DPF3: variants seen among roughly 807,000 people sequenced by gnomAD.
DPF3 encodes zinc finger protein DPF3.
DPF3 carries 18 observed loss-of-function variants against 56.8 expected under a neutral mutation model. The observed-to-expected ratio is 0.32, with a 90% CI of 0.22 to 0.47. The LOEUF is 0.47. Among genes scored for constraint, DPF3 ranks in the 20% least tolerant of loss-of-function variants. The pLI, the probability that DPF3 is intolerant of heterozygous loss-of-function variation, is 1.00. For synonymous variants in DPF3, 188 were observed against 180.2 expected (o/e 1.04, Z -0.35); for missense variants, 403 against 488.8 (o/e 0.82, Z 1.65).
intron 4 of DPF3, 32 bp downstream of exon 4, chr14:72,731,775 C>T (rs1247386283): frequency 6.2e-7 from 1 of 1,612,334 alleles, no homozygotes; most frequent in Non-Finnish European, 8.5e-7. Context: ...GACAGGAACA[C>T]TCTGTGGGGT....
chr14:72,682,192 C>T lies in DPF3; in HGVS notation c.743-7824G>A, dbSNP rs1315525069. ...TTGTGCCACTGCACTCCAGGCTGGG[C>T]AACAAGAGTAAGACTCTGTCTCAAG... is the stretch of plus-strand genomic sequence containing the variant. On this transcript the variant is annotated intron_variant, in intron 7 of 10. Transcript: ENST00000556509. Among the ~76,000 whole-genome samples the T allele has an allele frequency of 2.3e-5, 3 of 131,706 alleles. No individual in the cohort carries two copies. In the East Asian group the frequency reaches 6.6e-4, roughly 29 times the overall value. 86.4% of individuals were successfully genotyped at this position (131,706 alleles called of 152,430 possible).
intron 6 of DPF3, among the ~76,000 whole-genome samples, chr14:72,706,188 C>T (rs904738637): frequency 7.2e-5 from 11 of 152,148 alleles, no homozygotes; most frequent in Non-Finnish European, 1.6e-4. Flanking sequence ...ATCATTATTA[C>T]CTCTTCCCCC....
intron 8 of DPF3, among the ~76,000 whole-genome samples, chr14:72,669,434 T>G (rs1034881783): frequency 2.0e-5 from 3 of 152,166 alleles, no homozygotes; most frequent in Non-Finnish European, 1.5e-5. Context: ...AACAGCCAAG[T>G]TGAGTTTTGT....
At chr14:72,776,682 T>C (rs1269112627) in intron 1 of DPF3, among the ~76,000 whole-genome samples, 5 of 152,110 alleles carry the variant, frequency 3.3e-5, no homozygotes, top group Admixed American at 2.0e-4. Context: ...TTGCTCCGAT[T>C]TCTCAGATCA....
At chr14:72,735,935 T>C (rs918294361) in intron 3 of DPF3, among the ~76,000 whole-genome samples, 2 of 152,228 alleles carry the variant, frequency 1.3e-5, no homozygotes, top group South Asian at 2.1e-4. Context: ...TTTTGTTTTA[T>C]TCTATTCAAA....
At chr14:72,686,379 A>T (rs1887411449) in intron 7 of DPF3, among the ~76,000 whole-genome samples, 1 of 152,244 alleles carries the variant, frequency 6.6e-6, no homozygotes, top group African/African-American at 2.4e-5. Flanking sequence ...TTTAAGACTC[A>T]CAGCAATCCC....
intron 7 of DPF3, among the ~76,000 whole-genome samples, chr14:72,691,325 C>T (rs1204327674): frequency 6.6e-6 from 1 of 152,194 alleles, no homozygotes; most frequent in Non-Finnish European, 1.5e-5. Flanking sequence ...GTACCTCATA[C>T]TGTGACTTGG....
Position 72,767,697 on chromosome 14 carries a change from G to A in DPF3, c.193+4036C>T, listed in dbSNP as rs567751122. ...GTTGTTGAAGTCCGAGAAGGAGAGG[G>A]GAAAGAGGGTTGAACTGAAGAAGTA... On this transcript the variant is annotated intron_variant, in intron 2 of 10. Transcript: ENST00000556509. Among the ~76,000 whole-genome samples the A allele has an allele frequency of 2.8e-5, 4 of 141,954 alleles. No individual in the cohort carries two copies. The South Asian group carries it at 6.7e-4, about 24-fold the overall frequency. 93.1% of individuals were successfully genotyped at this position (141,954 alleles called of 152,430 possible).
intron 3 of DPF3, among the ~76,000 whole-genome samples, chr14:72,748,396 G>T (rs1890415603): frequency 6.6e-6 from 1 of 152,148 alleles, no homozygotes; most frequent in African/African-American, 2.4e-5. Context: ...AGTGACTTGG[G>T]TGCTGTTAAA....
chr14:72,677,593 G>A (rs553006229), intron 7 of DPF3, among the ~76,000 whole-genome samples: 18 of 149,978 alleles, frequency 1.2e-4, no homozygotes, highest in African/African-American at 3.0e-4. Context: ...GGTCTAACCC[G>A]TTGTTGGAAC....
At chr14:72,632,250 G>A (rs1162612951) in intron 8 of DPF3, among the ~76,000 whole-genome samples, 1 of 152,196 alleles carries the variant, frequency 6.6e-6, no homozygotes, top group African/African-American at 2.4e-5. Context: ...CTTGATTGTG[G>A]TGGTTACATA....
chr14:72,703,118 G>A (rs1443464645), intron 6 of DPF3, among the ~76,000 whole-genome samples: 1 of 152,168 alleles, frequency 6.6e-6, no homozygotes. Flanking sequence ...CCTCAACTGT[G>A]ATAGGAAAAT....
intron 8 of DPF3, among the ~76,000 whole-genome samples, chr14:72,659,909 A>T (rs1366873413): frequency 6.6e-6 from 1 of 152,184 alleles, no homozygotes; most frequent in Non-Finnish European, 1.5e-5. Context: ...CTACGTAAAT[A>T]ATCCTTGAAG....
intron 2 of DPF3, among the ~76,000 whole-genome samples, chr14:72,766,625 A>T (rs1016789456): frequency 6.6e-6 from 1 of 152,108 alleles, no homozygotes; most frequent in African/African-American, 2.4e-5. Context: ...ATAATTTTTT[A>T]AATTTTTATA....
chr14:72,623,317 TA>T (rs921226675), intron 9 of DPF3, among the ~76,000 whole-genome samples: 3 of 151,752 alleles, frequency 2.0e-5, no homozygotes, highest in African/African-American at 7.3e-5. Flanking sequence ...AATATGTCCC[TA>T]AAAAAAACAA....
intron 8 of DPF3, among the ~76,000 whole-genome samples, chr14:72,655,066 T>C (rs1299748295): frequency 6.6e-6 from 1 of 152,184 alleles, no homozygotes; most frequent in African/African-American, 2.4e-5. Context: ...CAATTCATAC[T>C]ACATTCTTTC....
At chr14:72,713,985 G>A (rs1374891951) in intron 6 of DPF3, among the ~76,000 whole-genome samples, 1 of 152,254 alleles carries the variant, frequency 6.6e-6, no homozygotes, top group Non-Finnish European at 1.5e-5. Context: ...GAGGAAGAGG[G>A]AAAGGAAATT....
intron 6 of DPF3, among the ~76,000 whole-genome samples, chr14:72,694,432 T>A (rs995121693): frequency 1.3e-5 from 2 of 152,190 alleles, no homozygotes; most frequent in African/African-American, 4.8e-5. Flanking sequence ...AGAGCACAAC[T>A]TTAGCATCAG....
rs1438287635 is a variant in DPF3, at chr14:72,893,014, AGGAAGGAAGGAT to A, written c.32+1031_32+1042del. On this transcript the variant is annotated intron_variant, in intron 1 of 10. Transcript: ENST00000556509. ...AAGGAAGGAAGGAAGGAAGGAAGGA[AGGAAGGAAGGAT>A]GAAAAGGAGGAGGAAGGCAGGCAGG... Among the ~76,000 whole-genome samples, 58 of 110,382 alleles carry A rather than the reference AGGAAGGAAGGAT, an allele frequency of 5.3e-4. 1 individual carries two copies. Among genetic ancestry groups the A allele is most frequent in the Middle Eastern group, 4.6e-3 (1 of 216 alleles). 72.4% of individuals were successfully genotyped at this position (110,382 alleles called of 152,430 possible). A position where few individuals can be genotyped will look rare whatever the true frequency, so the allele number is the denominator to read the frequency against.
Sources: gnomAD v4.1 joint callset for allele counts (sites outside exome capture counted in the v4.1 genomes callset) on GRCh38, gnomAD v4.1.1 for gene constraint, MANE v1.5 for transcripts, NCBI Gene and HGNC (gene_info 2026-07-23, HGNC 2026-07-21) for gene names.